SAMMSON: variants seen among roughly 807,000 people sequenced by gnomAD.
SAMMSON encodes survival associated mitochondrial melanoma specific oncogenic non-coding RNA, also known as long intergenic non-protein coding RNA 1212.
intron 6 of SAMMSON, among the ~76,000 whole-genome samples, chr3:70,286,490 T>C (rs1041234353): frequency 6.6e-6 from 1 of 151,638 alleles, no homozygotes; most frequent in African/African-American, 2.4e-5. Context: ...AGTCAGGTAG[T>C]GTGATGCCTC....
At chr3:70,254,752 T>G (rs1701799256) in intron 6 of SAMMSON, among the ~76,000 whole-genome samples, 1 of 152,226 alleles carries the variant, frequency 6.6e-6, no homozygotes, top group African/African-American at 2.4e-5. Context: ...AATAGAGATA[T>G]TCTATCACCT....
At chr3:70,094,107 G>C (rs553045833) in intron 4 of SAMMSON, among the ~76,000 whole-genome samples, 2 of 152,058 alleles carry the variant, frequency 1.3e-5, no homozygotes, top group African/African-American at 2.4e-5. Flanking sequence ...GATTGTGCAC[G>C]GCTGAAACCT....
At chr3:70,120,438 C>T (rs969223129) in intron 4 of SAMMSON, 1 of 152,182 alleles carries the variant, frequency 6.6e-6, no homozygotes, top group African/African-American at 2.4e-5. Flanking sequence ...TGATTGGATG[C>T]AGGTTTTTAC....
intron 1 of SAMMSON, among the ~76,000 whole-genome samples, chr3:70,003,588 GC>G (rs2066914639): frequency 6.6e-6 from 1 of 151,662 alleles, no homozygotes; most frequent in Non-Finnish European, 1.5e-5. Flanking sequence ...CCACTTTAAT[GC>G]TATTTATTCT....
rs566903148 is a variant in SAMMSON, at chr3:70,362,700, C to T, written n.913+4376C>T. Among the ~76,000 whole-genome samples the T allele has an allele frequency of 1.4e-4, 21 of 151,662 alleles. No individual in the cohort carries two copies. The South Asian group carries it at 2.9e-3, about 21-fold the overall frequency. On this transcript the variant is annotated intron_variant and non_coding_transcript_variant, in intron 9 of 9. Transcript: ENST00000642114. ...TATACACATGTGTATCTTTTTTTTA[C>T]ATCCCTGAATTGCTTCTTACCTACA... is the stretch of plus-strand genomic sequence containing the variant.
At position 70,089,813 on chromosome 3, in the gene SAMMSON, C is replaced by T. The variant is rs1439913607; in HGVS notation, n.507+18248C>T. ...AAAAAAAGTATTTGTCCAGGAGCAA[C>T]TTTGACTCCCATGGGTCAATCTTTA... On this transcript the variant is annotated intron_variant and non_coding_transcript_variant, in intron 4 of 9. Coordinates refer to ENST00000642114, the Ensembl canonical transcript of SAMMSON. Among the ~76,000 whole-genome samples the T allele has an allele frequency of 2.0e-5, 3 of 152,064 alleles. No individual in the cohort carries two copies. The East Asian group carries it at 5.8e-4, about 29-fold the overall frequency.
chr3:70,032,644 G>A (rs1407694138), intron 3 of SAMMSON, among the ~76,000 whole-genome samples: 1 of 152,172 alleles, frequency 6.6e-6, no homozygotes, highest in East Asian at 1.9e-4. Context: ...GGAGTTTGAT[G>A]GTTAGTACCA....
intron 4 of SAMMSON, among the ~76,000 whole-genome samples, chr3:70,247,626 C>G (rs547086742): frequency 2.9e-4 from 44 of 151,852 alleles, no homozygotes; most frequent in Non-Finnish European, 5.7e-4. Context: ...TTTTAATCTT[C>G]AGAATTTATG....
At chr3:70,413,062 C>T (rs1701234442) in intron 2 of SAMMSON, among the ~76,000 whole-genome samples, 1 of 152,032 alleles carries the variant, frequency 6.6e-6, no homozygotes, top group African/African-American at 2.4e-5. Flanking sequence ...TAAAAGAAGT[C>T]TTAAAACCTG....
chr3:70,052,621 G>A (rs1262908261), intron 3 of SAMMSON, among the ~76,000 whole-genome samples: 2 of 152,092 alleles, frequency 1.3e-5, no homozygotes, highest in African/African-American at 4.8e-5. Flanking sequence ...TTAATGTTAT[G>A]TAACATATGC....
At chr3:70,210,604 A>G (rs980482813) in intron 4 of SAMMSON, among the ~76,000 whole-genome samples, 5 of 152,166 alleles carry the variant, frequency 3.3e-5, no homozygotes, top group Admixed American at 1.3e-4. Flanking sequence ...TAGAAACATA[A>G]AAAGTAGTGT....
chr3:70,045,173 A>T lies in SAMMSON; in HGVS notation n.418-26303A>T, dbSNP rs984227155. Among the ~76,000 whole-genome samples, 54 of 133,384 alleles carry T rather than the reference A, an allele frequency of 4.0e-4. 1 individual carries two copies. The highest frequency in any genetic ancestry group is 6.1e-4 in the Non-Finnish European group (39 of 64,174). The allele number at this position is 133,384 out of a possible 152,430, so 87.5% of individuals were successfully genotyped here. ...TATTAATTATAATATATTATAATTTATATATATCGTTAATTATAATATTAA... is the reference window on the plus strand; with the variant it reads ...TATTAATTATAATATATTATAATTTTTATATATCGTTAATTATAATATTAA... On this transcript the variant is annotated intron_variant and non_coding_transcript_variant, in intron 3 of 9. Transcript: ENST00000642114.
chr3:70,275,015 C>T, intron 6 of SAMMSON, among the ~76,000 whole-genome samples: 1 of 152,176 alleles, frequency 6.6e-6, no homozygotes, highest in East Asian at 1.9e-4. Flanking sequence ...CCTTGTTTCT[C>T]AAAGGAAACT....
At chr3:70,217,693 C>G (rs1457805394) in intron 4 of SAMMSON, among the ~76,000 whole-genome samples, 1 of 152,126 alleles carries the variant, frequency 6.6e-6, no homozygotes, top group Non-Finnish European at 1.5e-5. Flanking sequence ...AATCTGAAAT[C>G]TCTTGCATGA....
chr3:70,034,155 G>A (rs953617644), intron 3 of SAMMSON, among the ~76,000 whole-genome samples: 1 of 152,096 alleles, frequency 6.6e-6, no homozygotes, highest in African/African-American at 2.4e-5. Context: ...CCAAAGCTGG[G>A]CCGTCTGTTT....
intron 4 of SAMMSON, among the ~76,000 whole-genome samples, chr3:70,145,969 A>C (rs187324591): frequency 7.4e-4 from 113 of 152,196 alleles, no homozygotes; most frequent in African/African-American, 2.6e-3. Flanking sequence ...AAACTGACAA[A>C]GAGAAAAGAC....
At chr3:70,376,520 C>T (rs1254387809) in intron 9 of SAMMSON, among the ~76,000 whole-genome samples, 2 of 152,156 alleles carry the variant, frequency 1.3e-5, no homozygotes, top group Non-Finnish European at 2.9e-5. Flanking sequence ...TTGAATCCAT[C>T]AGACACCTTG....
chr3:70,052,353 C>T (rs1474360383), intron 3 of SAMMSON, among the ~76,000 whole-genome samples: 1 of 152,024 alleles, frequency 6.6e-6, no homozygotes, highest in Non-Finnish European at 1.5e-5. Flanking sequence ...AGGAGCACTC[C>T]CAATCTCCTT....
chr3:70,373,167 C>G (rs1702985261), intron 9 of SAMMSON, among the ~76,000 whole-genome samples: 1 of 152,008 alleles, frequency 6.6e-6, no homozygotes, highest in African/African-American at 2.4e-5. Context: ...TTTTTAAAAG[C>G]ATGTCTTCTG....
Sources: gnomAD v4.1 joint callset for allele counts (sites outside exome capture counted in the v4.1 genomes callset) on GRCh38, gnomAD v4.1.1 for gene constraint, MANE v1.5 for transcripts, NCBI Gene and HGNC (gene_info 2026-07-23, HGNC 2026-07-21) for gene names.